Variants in TMPRSS2 observed in about 807,000 individuals in gnomAD.
TMPRSS2 encodes transmembrane serine protease 2.
A neutral mutation model predicts 67.4 loss-of-function variants in TMPRSS2; 59 were observed. The observed-to-expected ratio is 0.88, with a 90% CI of 0.71 to 1.09. TMPRSS2 has a LOEUF of 1.09. Among genes scored for constraint, TMPRSS2 ranks in the 50% least tolerant of loss-of-function variants. The pLI, the probability that TMPRSS2 is intolerant of heterozygous loss-of-function variation, is 0.00. For missense variants in TMPRSS2, 668 were observed against 642.7 expected (o/e 1.04, Z -0.43); for synonymous variants, 257 against 257.0 (o/e 1.00, Z 0.00).
At position 41,508,069 on chromosome 21, in the gene TMPRSS2, G is replaced by C. The variant is rs900579566; in HGVS notation, c.-57+12C>G. The C allele has an allele frequency of 4.7e-6, 6 of 1,288,116 alleles. No homozygotes were observed. The highest frequency in any genetic ancestry group is 5.9e-6 in the Non-Finnish European group (6 of 1,016,260). 79.8% of individuals were successfully genotyped at this position (1,288,116 alleles called of 1,614,324 possible). The stretch of plus-strand genomic sequence containing the variant: ...GACCCCGAGCCGGGACCCTGGTACC[G>C]GCGCCGCTCACCTGCCGCGCTCCAG... On this transcript the variant is annotated intron_variant, in intron 1 of 13. Coordinates refer to ENST00000332149, the MANE Select transcript of TMPRSS2 (RefSeq NM_005656.4).
At chr21:41,468,890 GAC>G (rs2091107186) in intron 11 of TMPRSS2, 1 of 241,052 alleles carries the variant, frequency 4.1e-6, no homozygotes, top group Admixed American at 4.8e-5. Flanking sequence ...CCCCACCCAG[GAC>G]ACACAGGCGC....
At chr21:41,489,416 CAGAGGTCTCAATAGCCCAG>C in intron 4 of TMPRSS2, 72 bp downstream of exon 4, 1 of 1,043,336 alleles carries the variant, frequency 9.6e-7, no homozygotes, top group Non-Finnish European at 1.4e-6. Context: ...GGAGGGCCTC[CAGAGGTCTCAATAGCCCAG>C]AGAGCAGGGT....
At chr21:41,486,472 G>C (rs1195637011) in intron 5 of TMPRSS2, 1 of 152,166 alleles carries the variant, frequency 6.6e-6, no homozygotes, top group African/African-American at 2.4e-5. Context: ...GCTAATTTTT[G>C]TATTTTTAGT....
intron 3 of TMPRSS2, among the ~76,000 whole-genome samples, chr21:41,492,215 C>CA (rs1368586722): frequency 7.0e-6 from 1 of 143,086 alleles, no homozygotes; most frequent in East Asian, 2.2e-4. Flanking sequence ...AACAAACAAA[C>CA]AACAAAAAAA....
At chr21:41,469,836 CACCCAGCCTGT>C (rs2091116018) in intron 11 of TMPRSS2, among the ~76,000 whole-genome samples, 3 of 152,298 alleles carry the variant, frequency 2.0e-5, no homozygotes, top group South Asian at 4.1e-4. Context: ...ACCTGAGTAG[CACCCAGCCTGT>C]ACTAGGTGCA....
Position 41,464,612 on chromosome 21 carries a change from T to C in TMPRSS2, c.*1530A>G, listed in dbSNP as rs539639766. On this transcript the variant is annotated 3_prime_UTR_variant, in exon 14 of 14. Transcript: ENST00000332149. ...GATATTCATTTTCACAATTGAACTT[T>C]ACAGTTTAAAAAAGATACAAAAAAA... The C allele has an allele frequency of 3.2e-4, 75 of 232,736 alleles. No individual in the cohort carries two copies. The Middle Eastern group carries it at 5.1e-3, about 16-fold the overall frequency. 14.4% of individuals were successfully genotyped at this position (232,736 alleles called of 1,614,324 possible).
chr21:41,489,723 CTT>C (rs2091322139), intron 3 of TMPRSS2, 130 bp from the exon 4 acceptor site: 1 of 627,612 alleles, frequency 1.6e-6, no homozygotes, highest in African/African-American at 1.8e-5. Context: ...AAAAATGTGA[CTT>C]TTAATTTTAA....
intron 5 of TMPRSS2, 21 bp downstream of exon 5, chr21:41,488,373 C>G (rs773187783): frequency 6.2e-7 from 1 of 1,604,462 alleles, no homozygotes; most frequent in Admixed American, 1.7e-5. Context: ...GAGTCCCTTC[C>G]CAAGGTCAAG....
Position 41,478,735 on chromosome 21 carries a change from A to G in TMPRSS2, c.683+437T>C, listed in dbSNP as rs918562866. On this transcript the variant is annotated intron_variant, in intron 7 of 13. Coordinates refer to ENST00000332149, the MANE Select transcript of TMPRSS2 (RefSeq NM_005656.4). The surrounding 1 kb of genome is among the most constrained non-coding windows in gnomAD (Gnocchi z 4.0). Reference sequence around the variant, plus strand: ...CAGCCAGCCCAGCTGCCTGGAATGGAGCAGGACTTCCCTTGCTCAAGCCAG... The same window carrying G: ...CAGCCAGCCCAGCTGCCTGGAATGGGGCAGGACTTCCCTTGCTCAAGCCAG... Among the ~76,000 whole-genome samples the G allele has an allele frequency of 2.6e-5, 4 of 152,154 alleles. No individual in the cohort carries two copies. The highest frequency in any genetic ancestry group is 5.9e-5 in the Non-Finnish European group (4 of 68,026).
At chr21:41,505,733 C>T (rs922936024) in intron 1 of TMPRSS2, among the ~76,000 whole-genome samples, 6 of 152,212 alleles carry the variant, frequency 3.9e-5, no homozygotes, top group African/African-American at 1.4e-4. Flanking sequence ...TTCCAGCTTC[C>T]TTCCCTCCTT....
intron 1 of TMPRSS2, chr21:41,502,656 G>T: frequency 1.1e-6 from 1 of 919,610 alleles, no homozygotes; most frequent in Non-Finnish European, 1.3e-6. Flanking sequence ...AAATGAGTTA[G>T]CCAACAGTGG....
intron 5 of TMPRSS2, among the ~76,000 whole-genome samples, chr21:41,481,240 C>T (rs980143974): frequency 4.0e-5 from 6 of 148,586 alleles, no homozygotes; most frequent in African/African-American, 4.9e-5. Flanking sequence ...CAATGGAATA[C>T]GATTCAGCCA....
chr21:41,465,448 C>T lies in TMPRSS2; in HGVS notation c.*694G>A, dbSNP rs2091075839. 4.3e-6 allele frequency: 1 copy of T among 233,418 alleles called. No individual in the cohort carries two copies. Among genetic ancestry groups the T allele is most frequent in the Non-Finnish European group, 8.5e-6 (1 of 118,144 alleles). 14.5% of individuals were successfully genotyped at this position (233,418 alleles called of 1,614,324 possible). ...GGCTGAGTCTCCCTCCCAGGAGCCC[C>T]ACCCAATGTGCAGGTGGAGACCTGC... On this transcript the variant is annotated 3_prime_UTR_variant, in exon 14 of 14. Coordinates refer to ENST00000332149, the MANE Select transcript of TMPRSS2 (RefSeq NM_005656.4).
Position 41,465,609 on chromosome 21 carries a change from G to A in TMPRSS2, c.*533C>T, listed in dbSNP as rs1428411134. 2.1e-5 allele frequency: 5 copies of A among 236,034 alleles called. No individual in the cohort carries two copies. Among genetic ancestry groups the A allele is most frequent in the Non-Finnish European group, 3.3e-5 (4 of 120,256 alleles). 14.6% of individuals were successfully genotyped at this position (236,034 alleles called of 1,614,324 possible). On this transcript the variant is annotated 3_prime_UTR_variant, in exon 14 of 14. Transcript: ENST00000332149. ...ACTACCACGTCACCACCCATGAAGG[G>A]CTGGTCCCTTTATTTCTGGCCACCA... is the stretch of plus-strand genomic sequence containing the variant.
chr21:41,500,448 G>T (rs562750287), intron 1 of TMPRSS2, among the ~76,000 whole-genome samples: 11 of 152,116 alleles, frequency 7.2e-5, no homozygotes, highest in Non-Finnish European at 1.3e-4. Flanking sequence ...GAGTGGGGCC[G>T]GCTTCAGTAC....
intron 5 of TMPRSS2, 64 bp from the exon 6 acceptor site, chr21:41,480,666 T>C: frequency 2.5e-6 from 4 of 1,571,424 alleles, no homozygotes; most frequent in Non-Finnish European, 3.5e-6. Flanking sequence ...TGAGACGGAG[T>C]CTCGCTCTGT....
At chr21:41,467,666 C>A (rs1328011980) in intron 13 of TMPRSS2, 68 bp downstream of exon 13, 18 of 1,579,342 alleles carry the variant, frequency 1.1e-5, no homozygotes, top group Non-Finnish European at 1.6e-5. Flanking sequence ...CAGAACCACG[C>A]CTAACAGATG....
In TMPRSS2 at chr21:41,468,825, TCTTATTCACCCAACGG is replaced by T. The variant is rs1302341946; in HGVS notation, c.1172-303_1172-288del. The T allele has an allele frequency of 1.1e-5, 4 of 354,636 alleles. No individual in the cohort carries two copies. The Admixed American group carries it at 1.2e-4, about 10-fold the overall frequency. 22.0% of individuals were successfully genotyped at this position (354,636 alleles called of 1,614,324 possible). ...CTCTATCAGTGCCATGGAATCCCCC[TCTTATTCACCCAACGG>T]CTTGGTTCTGCTGAACCAATTTCCC... On this transcript the variant is annotated intron_variant, in intron 11 of 13. Transcript: ENST00000332149.
chr21:41,470,011 T>C (rs113564116), intron 11 of TMPRSS2, among the ~76,000 whole-genome samples: 1,955 of 152,250 alleles, frequency 0.013, 27 homozygotes, highest in Non-Finnish European at 0.023. Flanking sequence ...CACCCAACCT[T>C]TGTACTTTTC....
Sources: allele counts gnomAD v4.1 joint callset (sites outside exome capture counted in the v4.1 genomes callset), GRCh38; gene constraint gnomAD v4.1.1; non-coding constraint Gnocchi (gnomAD v3.1); transcripts MANE v1.5; gene names NCBI Gene and HGNC (gene_info 2026-07-23, HGNC 2026-07-21).